The following C1orf21 variants were observed in gnomAD, a reference collection of about 807,000 sequenced individuals.
The protein encoded by C1orf21 is chromosome 1 open reading frame 21.
C1orf21 carries 3 observed loss-of-function variants against 18.7 expected under a neutral mutation model. That is an observed-to-expected ratio of 0.16 (90% CI 0.07 to 0.42). The LOEUF is 0.42. C1orf21 is among the 10% of genes least tolerant of loss of function. The pLI, the probability that C1orf21 is intolerant of heterozygous loss-of-function variation, is 0.99. For missense variants in C1orf21, 104 were observed against 143.6 expected, an observed-to-expected ratio of 0.72 and a Z score of 1.41; for synonymous variants, 41 against 46.4, an observed-to-expected ratio of 0.88 and a Z score of 0.47.
chr1:184,482,133 T>C (rs1255612694), intron 2 of C1orf21, among the ~76,000 whole-genome samples: 2 of 152,148 alleles, frequency 1.3e-5, no homozygotes, highest in Admixed American at 6.5e-5. Flanking sequence ...TCCTCACGAT[T>C]CTGGGGGATG....
intron 1 of C1orf21, among the ~76,000 whole-genome samples, chr1:184,426,704 G>A (rs917172890): frequency 3.3e-5 from 5 of 152,104 alleles, no homozygotes; most frequent in Non-Finnish European, 5.9e-5. Flanking sequence ...CCTTCTGAAT[G>A]CTGATAATTA....
chr1:184,576,764 C>G (rs115590035), intron 3 of C1orf21, among the ~76,000 whole-genome samples: 1 of 152,198 alleles, frequency 6.6e-6, no homozygotes, highest in African/African-American at 2.4e-5. Context: ...AGTGGTCTTT[C>G]GAGAATTCAG....
intron 1 of C1orf21, among the ~76,000 whole-genome samples, chr1:184,421,960 A>G (rs1018192771): frequency 2.6e-5 from 4 of 152,204 alleles, no homozygotes; most frequent in African/African-American, 9.7e-5. Context: ...GTTCATTTGT[A>G]TGCATGTGTG....
intron 1 of C1orf21, among the ~76,000 whole-genome samples, chr1:184,403,682 A>C (rs1656200796): frequency 6.6e-6 from 1 of 152,282 alleles, no homozygotes; most frequent in Admixed American, 6.5e-5. Context: ...CGAAACTCAG[A>C]TAATTAAATT....
chr1:184,560,720 C>T (rs1004296113), intron 3 of C1orf21, among the ~76,000 whole-genome samples: 6 of 152,180 alleles, frequency 3.9e-5, no homozygotes, highest in African/African-American at 1.4e-4. Context: ...AGAGCAGGCT[C>T]TCCAGAATCC....
At chr1:184,398,175 TG>T (rs1160135167) in intron 1 of C1orf21, among the ~76,000 whole-genome samples, 1 of 152,218 alleles carries the variant, frequency 6.6e-6, no homozygotes, top group Non-Finnish European at 1.5e-5. Context: ...ATAGTAATAA[TG>T]AAAGCTAACA....
At chr1:184,520,980 G>A (rs1054012935) in intron 3 of C1orf21, among the ~76,000 whole-genome samples, 10 of 152,008 alleles carry the variant, frequency 6.6e-5, no homozygotes, top group South Asian at 2.1e-4. Context: ...TGCAACCTCC[G>A]CCTCCCGGGT....
chr1:184,567,681 A>G lies in C1orf21; in HGVS notation c.190-23058A>G, dbSNP rs1659053378. ...CCAGCTTTGAGTTTCATACTGGTCA[A>G]GCAGAGATTTTTCCAGGGCTGCTAA... On this transcript the variant is annotated intron_variant, in intron 3 of 5. Coordinates refer to ENST00000235307, the MANE Select transcript of C1orf21 (RefSeq NM_030806.4). 13 of 381,410 alleles carry G rather than the reference A, an allele frequency of 3.4e-5. 1 individual carries two copies. The highest frequency in any genetic ancestry group is 3.1e-4 in the South Asian group (13 of 42,440). 23.6% of individuals were successfully genotyped at this position (381,410 alleles called of 1,614,324 possible).
chr1:184,470,306 T>C (rs1432430841), intron 1 of C1orf21, among the ~76,000 whole-genome samples: 1 of 152,186 alleles, frequency 6.6e-6, no homozygotes, highest in African/African-American at 2.4e-5. Context: ...GAATATCACC[T>C]TGCATATATA....
At chr1:184,504,398 GCT>G (rs1658022164) in intron 2 of C1orf21, among the ~76,000 whole-genome samples, 1 of 152,142 alleles carries the variant, frequency 6.6e-6, no homozygotes, top group Non-Finnish European at 1.5e-5. Flanking sequence ...TCCAGTGTGG[GCT>G]CTGATAAAGG....
At chr1:184,484,898 G>A (rs903696323) in intron 2 of C1orf21, among the ~76,000 whole-genome samples, 5 of 151,354 alleles carry the variant, frequency 3.3e-5, no homozygotes, top group Non-Finnish European at 7.4e-5. Context: ...GTGTGTGTGT[G>A]TGTGTGTGTG....
intron 3 of C1orf21, among the ~76,000 whole-genome samples, chr1:184,545,175 T>C (rs1658711219): frequency 6.6e-6 from 1 of 152,168 alleles, no homozygotes; most frequent in Admixed American, 6.5e-5. Context: ...TCCTACCCCA[T>C]GAGGCTACTC....
intron 4 of C1orf21, among the ~76,000 whole-genome samples, chr1:184,595,361 A>G (rs754538620): frequency 4.6e-5 from 7 of 152,148 alleles, no homozygotes; most frequent in Non-Finnish European, 8.8e-5. Context: ...CCCACTCACA[A>G]TCATCAAATT....
chr1:184,462,087 A>C (rs1301300568), intron 1 of C1orf21, among the ~76,000 whole-genome samples: 1 of 152,224 alleles, frequency 6.6e-6, no homozygotes, highest in African/African-American at 2.4e-5. Flanking sequence ...TATACCTTAG[A>C]GATGAGGATT....
intron 3 of C1orf21, among the ~76,000 whole-genome samples, chr1:184,554,605 G>A (rs1374337948): frequency 6.6e-6 from 1 of 152,102 alleles, no homozygotes; most frequent in African/African-American, 2.4e-5. Context: ...ATAAGTGATG[G>A]TTTTAACCCC....
rs536294635 is a variant in C1orf21, at chr1:184,540,409, G to A, written c.189+32727G>A. On this transcript the variant is annotated intron_variant, in intron 3 of 5. Transcript: ENST00000235307. ...ATCTTTGATTCTGGCAGCATTGGTG[G>A]CTATAGGAGTTTTTTTTGTTTGTTT... Among the ~76,000 whole-genome samples the A allele has an allele frequency of 1.8e-3, 276 of 151,878 alleles. 1 individual carries two copies. Among genetic ancestry groups the A allele is most frequent in the Non-Finnish European group, 3.3e-3 (226 of 67,938 alleles).
intron 3 of C1orf21, among the ~76,000 whole-genome samples, chr1:184,542,225 G>A (rs1284948852): frequency 6.6e-6 from 1 of 152,160 alleles, no homozygotes; most frequent in Admixed American, 6.5e-5. Context: ...AAAAGACAGG[G>A]CAATTCATAT....
At chr1:184,543,573 A>G (rs1402422294) in intron 3 of C1orf21, among the ~76,000 whole-genome samples, 1 of 152,154 alleles carries the variant, frequency 6.6e-6, no homozygotes, top group Non-Finnish European at 1.5e-5. Context: ...TTCTTTCTAG[A>G]ATTTCTCTGA....
At chr1:184,575,663 A>G (rs1262708353) in intron 3 of C1orf21, among the ~76,000 whole-genome samples, 1 of 151,748 alleles carries the variant, frequency 6.6e-6, no homozygotes, top group Non-Finnish European at 1.5e-5. Context: ...AATACATGCA[A>G]CAGAATCCAT....
Sources: gnomAD v4.1 joint callset for allele counts (sites outside exome capture counted in the v4.1 genomes callset) on GRCh38, gnomAD v4.1.1 for gene constraint, MANE v1.5 for transcripts, NCBI Gene and HGNC (gene_info 2026-07-23, HGNC 2026-07-21) for gene names.